The following GALNTL6 variants were observed in gnomAD, a reference collection of about 807,000 sequenced individuals.
The protein encoded by GALNTL6 is polypeptide N-acetylgalactosaminyltransferase like 6.
In GALNTL6, 46 loss-of-function variants were observed where a neutral mutation model predicts 73.7. That is an observed-to-expected ratio of 0.62 (90% CI 0.49 to 0.80). The LOEUF (loss-of-function observed/expected upper bound fraction) is 0.80. Among genes scored for constraint, GALNTL6 ranks in the 30% least tolerant of loss-of-function variants. The pLI is 0.00. For missense variants in GALNTL6, 604 were observed against 755.0 expected (o/e 0.80, Z 2.34); for synonymous variants, 259 against 263.7 (o/e 0.98, Z 0.17).
intron 5 of GALNTL6, among the ~76,000 whole-genome samples, chr4:172,481,901 G>C (rs908047789): frequency 6.6e-6 from 1 of 152,208 alleles, no homozygotes; most frequent in African/African-American, 2.4e-5. Flanking sequence ...CTCAGCCCTT[G>C]GGCAGTGGAT....
chr4:172,954,532 T>A (rs1749616436), intron 10 of GALNTL6, among the ~76,000 whole-genome samples: 1 of 152,156 alleles, frequency 6.6e-6, no homozygotes, highest in African/African-American at 2.4e-5. Flanking sequence ...AGTGGCATGA[T>A]CATGGCTCAC....
chr4:171,914,246 T>C lies in GALNTL6; in HGVS notation c.138+99528T>C, dbSNP rs76887321. ...GAAAGTTCCCTTTGGGGTTTTATACTAACTACCTGTGAAATATCTACTTAA... is the reference window on the plus strand; with the variant it reads ...GAAAGTTCCCTTTGGGGTTTTATACCAACTACCTGTGAAATATCTACTTAA... On this transcript the variant is annotated intron_variant, in intron 2 of 12. Coordinates refer to ENST00000506823, the MANE Select transcript of GALNTL6 (RefSeq NM_001034845.3). Among the ~76,000 whole-genome samples the C allele has an allele frequency of 4.1e-3, 626 of 152,210 alleles. 2 individuals are homozygous for C. The highest frequency in any genetic ancestry group is 4.6e-3 in the Non-Finnish European group (310 of 68,008).
At chr4:172,940,583 G>A (rs959449035) in intron 9 of GALNTL6, among the ~76,000 whole-genome samples, 2 of 151,610 alleles carry the variant, frequency 1.3e-5, no homozygotes, top group African/African-American at 2.4e-5. Flanking sequence ...GGATGGTCTC[G>A]ATCTCTTGAC....
chr4:172,838,911 G>A (rs1306681518), intron 7 of GALNTL6, among the ~76,000 whole-genome samples: 2 of 152,170 alleles, frequency 1.3e-5, no homozygotes, highest in Non-Finnish European at 2.9e-5. Context: ...GGGGAGAAGA[G>A]GAGAATGCCA....
At chr4:172,821,513 C>T (rs1414874330) in intron 7 of GALNTL6, among the ~76,000 whole-genome samples, 1 of 152,080 alleles carries the variant, frequency 6.6e-6, no homozygotes, top group Non-Finnish European at 1.5e-5. Context: ...TGCCTTGCTC[C>T]CCATACTGTG....
intron 12 of GALNTL6, among the ~76,000 whole-genome samples, chr4:173,033,680 A>C (rs575431721): frequency 6.6e-6 from 1 of 152,324 alleles, no homozygotes; most frequent in Admixed American, 6.5e-5. Flanking sequence ...TGACAAACTA[A>C]GTGACCACAA....
chr4:171,851,591 A>C (rs902569080), intron 2 of GALNTL6, among the ~76,000 whole-genome samples: 5 of 152,200 alleles, frequency 3.3e-5, no homozygotes, highest in Non-Finnish European at 5.9e-5. Context: ...ATTTCTTTCT[A>C]TTAGAAGCTG....
chr4:171,913,936 T>G (rs1329969056), intron 2 of GALNTL6, among the ~76,000 whole-genome samples: 1 of 152,198 alleles, frequency 6.6e-6, no homozygotes, highest in Non-Finnish European at 1.5e-5. Flanking sequence ...CAGCTCTTTT[T>G]TAACTGAAAA....
At chr4:171,912,941 G>A (rs527351666) in intron 2 of GALNTL6, among the ~76,000 whole-genome samples, 3 of 152,066 alleles carry the variant, frequency 2.0e-5, no homozygotes, top group South Asian at 2.1e-4. Flanking sequence ...TCCTTTACCC[G>A]TTCATCTATT....
chr4:172,186,002 T>C (rs1341640372), intron 2 of GALNTL6, among the ~76,000 whole-genome samples: 1 of 152,174 alleles, frequency 6.6e-6, no homozygotes, highest in African/African-American at 2.4e-5. Flanking sequence ...GATATAAAAC[T>C]ATCAATTTGT....
At chr4:171,824,686 G>A (rs1006176416) in intron 2 of GALNTL6, among the ~76,000 whole-genome samples, 11 of 152,050 alleles carry the variant, frequency 7.2e-5, no homozygotes, top group Non-Finnish European at 1.6e-4. Flanking sequence ...TTTCTTTCAT[G>A]AACCATCATG....
chr4:172,660,136 G>A (rs1031017300), intron 5 of GALNTL6, among the ~76,000 whole-genome samples: 2 of 152,166 alleles, frequency 1.3e-5, no homozygotes, highest in Non-Finnish European at 2.9e-5. Context: ...ATGATTAATT[G>A]GCTCAGCCAA....
chr4:171,949,313 C>T (rs762388550), intron 2 of GALNTL6, among the ~76,000 whole-genome samples: 1 of 152,138 alleles, frequency 6.6e-6, no homozygotes, highest in Admixed American at 6.5e-5. Context: ...TTTACCTGGG[C>T]TCTTTCTTGA....
intron 2 of GALNTL6, among the ~76,000 whole-genome samples, chr4:171,914,949 G>A (rs1315557075): frequency 6.6e-6 from 1 of 151,710 alleles, no homozygotes; most frequent in South Asian, 2.1e-4. Flanking sequence ...TAATATGTTG[G>A]TATAATAGAT....
At chr4:172,336,304 T>C (rs1345638847) in intron 4 of GALNTL6, among the ~76,000 whole-genome samples, 1 of 117,456 alleles carries the variant, frequency 8.5e-6, no homozygotes, top group Non-Finnish European at 1.7e-5. Context: ...TGAGTCTCAC[T>C]CTGTTGCCCA....
intron 2 of GALNTL6, among the ~76,000 whole-genome samples, chr4:171,940,733 G>A (rs144329104): frequency 0.017 from 2,649 of 151,870 alleles, 73 homozygotes; most frequent in African/African-American, 0.061. Flanking sequence ...CAGGAGAATG[G>A]TGTAAACCCG....
chr4:172,241,349 A>C (rs1031442026), intron 3 of GALNTL6, among the ~76,000 whole-genome samples: 51 of 152,322 alleles, frequency 3.3e-4, no homozygotes, highest in African/African-American at 1.2e-3. Flanking sequence ...AAAATATATT[A>C]TTTCCACCTT....
At chr4:172,740,977 G>C (rs1329686558) in intron 5 of GALNTL6, among the ~76,000 whole-genome samples, 1 of 152,072 alleles carries the variant, frequency 6.6e-6, no homozygotes, top group Non-Finnish European at 1.5e-5. Context: ...TGTGACCAGA[G>C]GCTTGCAGGA....
At chr4:172,276,396 A>G (rs1016355652) in intron 3 of GALNTL6, among the ~76,000 whole-genome samples, 6 of 152,316 alleles carry the variant, frequency 3.9e-5, no homozygotes, top group Admixed American at 3.9e-4. Flanking sequence ...ATCAATGCCA[A>G]GGATTATCTA....
Sources: allele counts gnomAD v4.1 joint callset (sites outside exome capture counted in the v4.1 genomes callset), GRCh38; gene constraint gnomAD v4.1.1; transcripts MANE v1.5; gene names NCBI Gene and HGNC (gene_info 2026-07-23, HGNC 2026-07-21).